NAALADL2: variants seen among roughly 807,000 people sequenced by gnomAD.
The protein encoded by NAALADL2 is inactive N-acetylated-alpha-linked acidic dipeptidase-like protein 2.
A neutral mutation model predicts 87.2 loss-of-function variants in NAALADL2; 76 were observed. The observed-to-expected ratio is 0.87, with a 90% CI of 0.72 to 1.05. The LOEUF (loss-of-function observed/expected upper bound fraction) is 1.05. Among genes scored for constraint, NAALADL2 ranks in the 50% least tolerant of loss-of-function variants. The pLI, the probability that NAALADL2 is intolerant of heterozygous loss-of-function variation, is 0.00. For missense variants in NAALADL2, 1,089 were observed against 945.8 expected (o/e 1.15, Z -1.99); for synonymous variants, 354 against 331.0 (o/e 1.07, Z -0.75).
At chr3:174,740,086 A>C (rs979750040) in intron 3 of NAALADL2, among the ~76,000 whole-genome samples, 4 of 152,040 alleles carry the variant, frequency 2.6e-5, no homozygotes, top group African/African-American at 9.7e-5. Flanking sequence ...TTTCTTTAAG[A>C]AATACATTCA....
chr3:174,902,559 AAGT>A (rs1732444509), intron 1 of NAALADL2, among the ~76,000 whole-genome samples: 2 of 152,142 alleles, frequency 1.3e-5, no homozygotes, highest in Non-Finnish European at 2.9e-5. Flanking sequence ...AGAACCAAAA[AAGT>A]AAACATTATC....
At chr3:175,407,164 AC>A (rs1712564354) in intron 5 of NAALADL2, among the ~76,000 whole-genome samples, 1 of 152,182 alleles carries the variant, frequency 6.6e-6, no homozygotes, top group African/African-American at 2.4e-5. Flanking sequence ...AACCTGGGAG[AC>A]AGAACGAGAC....
chr3:175,322,020 G>T (rs1331899819), intron 4 of NAALADL2, among the ~76,000 whole-genome samples: 3 of 151,852 alleles, frequency 2.0e-5, no homozygotes, highest in Non-Finnish European at 2.9e-5. Context: ...AAAAGAGCCC[G>T]CATCACCAAG....
At chr3:175,057,046 T>C (rs2109053979) in intron 1 of NAALADL2, among the ~76,000 whole-genome samples, 1 of 152,314 alleles carries the variant, frequency 6.6e-6, no homozygotes, top group Admixed American at 6.5e-5. Flanking sequence ...TTGTAGATAA[T>C]GTAAGTTGCT....
intron 5 of NAALADL2, among the ~76,000 whole-genome samples, chr3:175,368,250 C>T (rs867275945): frequency 1.2e-4 from 18 of 152,152 alleles, no homozygotes; most frequent in Non-Finnish European, 2.2e-4. Context: ...CTGCTGGATT[C>T]GGGTTGCCAG....
intron 12 of NAALADL2, among the ~76,000 whole-genome samples, chr3:175,746,150 T>G (rs540327564): frequency 7.2e-4 from 109 of 151,880 alleles, no homozygotes; most frequent in African/African-American, 2.6e-3. Context: ...AATGAGAATT[T>G]GGTCTGACTT....
chr3:174,490,182 A>T (rs939954349), intron 1 of NAALADL2, among the ~76,000 whole-genome samples: 2 of 152,274 alleles, frequency 1.3e-5, no homozygotes, highest in African/African-American at 4.8e-5. Context: ...TGCAAGGATA[A>T]ATAAAATAGT....
upstream of NAALADL2, among the ~76,000 whole-genome samples, chr3:174,858,243 A>T (rs949491324): frequency 2.0e-5 from 3 of 150,346 alleles, no homozygotes; most frequent in Admixed American, 1.3e-4. Context: ...TTTATTTACT[A>T]GTCTAACTAC....
At chr3:174,898,869 C>T (rs1021942821) in intron 1 of NAALADL2, among the ~76,000 whole-genome samples, 5 of 152,082 alleles carry the variant, frequency 3.3e-5, no homozygotes, top group African/African-American at 7.2e-5. Context: ...ATTAAGAGAG[C>T]ACAGAGGATG....
At position 174,996,993 on chromosome 3, in the gene NAALADL2, G is replaced by GGGGT. The variant is rs1276356410; in HGVS notation, c.44-99796_44-99795insGGTG. Among the ~76,000 whole-genome samples, 4 of 121,590 alleles carry GGGGT rather than the reference G, an allele frequency of 3.3e-5. No individual in the cohort carries two copies. The East Asian group carries it at 7.2e-4, about 22-fold the overall frequency. The allele number at this position is 121,590 out of a possible 152,430, so 79.8% of individuals were successfully genotyped here. ...TTTATGGCTGAGTAGTATTCCAAGG[G>GGGGT]GTGTGTGTGTGTGTGTGTGTGTGTG... On this transcript the variant is annotated intron_variant, in intron 1 of 13. Transcript: ENST00000454872.
chr3:175,600,848 T>C (rs1232775936), intron 10 of NAALADL2, among the ~76,000 whole-genome samples: 1 of 152,142 alleles, frequency 6.6e-6, no homozygotes, highest in Non-Finnish European at 1.5e-5. Flanking sequence ...TGTCTTAGTC[T>C]TAATCAAAGT....
At position 175,464,530 on chromosome 3, in the gene NAALADL2, T is replaced by G. The variant is rs148379146; in HGVS notation, c.1327+1037T>G. 1.6e-4 allele frequency among the ~76,000 whole-genome samples: 24 copies of G among 152,336 alleles called. No homozygotes were observed. In the East Asian group the frequency reaches 4.2e-3, roughly 27 times the overall value. ...TAAGGCTGAATCACATATTACTGTC[T>G]AATGTGCCTGTTATACAGTGTAGCA... On this transcript the variant is annotated intron_variant, in intron 7 of 13. Transcript: ENST00000454872.
chr3:175,796,434 C>G (rs910449660), intron 13 of NAALADL2, among the ~76,000 whole-genome samples: 1 of 152,146 alleles, frequency 6.6e-6, no homozygotes, highest in Non-Finnish European at 1.5e-5. Flanking sequence ...TATGGCTTAA[C>G]AATATCAACA....
At chr3:174,503,231 A>T (rs1298890793) in intron 1 of NAALADL2, among the ~76,000 whole-genome samples, 1 of 152,170 alleles carries the variant, frequency 6.6e-6, no homozygotes, top group Non-Finnish European at 1.5e-5. Context: ...CCTCCCAGGT[A>T]GTATGCCTGA....
At chr3:174,826,124 T>C (rs1160671093) in intron 3 of NAALADL2, among the ~76,000 whole-genome samples, 1 of 152,188 alleles carries the variant, frequency 6.6e-6, no homozygotes, top group Non-Finnish European at 1.5e-5. Flanking sequence ...GACATCTCTT[T>C]AGTCTTTTAT....
chr3:175,127,179 C>CAT (rs1259719237), intron 2 of NAALADL2, among the ~76,000 whole-genome samples: 1 of 152,158 alleles, frequency 6.6e-6, no homozygotes, highest in East Asian at 1.9e-4. Flanking sequence ...CATGACATGT[C>CAT]ATTCAGAAAA....
intron 2 of NAALADL2, among the ~76,000 whole-genome samples, chr3:175,223,157 A>G: frequency 6.6e-6 from 1 of 150,526 alleles, no homozygotes; most frequent in East Asian, 2.0e-4. Context: ...CTCTTACCAA[A>G]TTTCAAGTAA....
At chr3:175,257,052 C>A (rs970401293) in intron 4 of NAALADL2, 1 of 151,928 alleles carries the variant, frequency 6.6e-6, no homozygotes, top group Admixed American at 6.6e-5. Context: ...CTAAGAGTAG[C>A]AGAATTTTGA....
At chr3:175,344,108 A>G (rs978481154) in intron 5 of NAALADL2, among the ~76,000 whole-genome samples, 4 of 152,122 alleles carry the variant, frequency 2.6e-5, no homozygotes, top group African/African-American at 9.7e-5. Context: ...GACTGCTTTT[A>G]TAAAATCCAG....
Sources: gnomAD v4.1 joint callset for allele counts (sites outside exome capture counted in the v4.1 genomes callset) on GRCh38, gnomAD v4.1.1 for gene constraint, MANE v1.5 for transcripts, NCBI Gene and HGNC (gene_info 2026-07-23, HGNC 2026-07-21) for gene names.